Variants in FAM204A observed in about 807,000 individuals in gnomAD.
FAM204A encodes protein FAM204A.
A neutral mutation model predicts 35.4 loss-of-function variants in FAM204A; 16 were observed. That is an observed-to-expected ratio of 0.45 (90% CI 0.31 to 0.69). The LOEUF is 0.69. Among genes scored for constraint, FAM204A ranks in the 30% least tolerant of loss-of-function variants. The probability of loss-of-function intolerance (pLI) is 0.07; values close to 1 mark genes in which losing one functional copy is unlikely to be tolerated. For synonymous variants in FAM204A, 76 were observed against 86.9 expected (o/e 0.88, Z 0.70); for missense variants, 240 against 265.7 (o/e 0.90, Z 0.67).
intron 6 of FAM204A, among the ~76,000 whole-genome samples, chr10:118,327,675 G>A (rs951052472): frequency 1.3e-5 from 2 of 152,192 alleles, no homozygotes; most frequent in African/African-American, 4.8e-5. Flanking sequence ...CTAGGCCAGT[G>A]CTGCTTCAGT....
intron 7 of FAM204A, among the ~76,000 whole-genome samples, chr10:118,311,847 G>A (rs182889450): frequency 1.7e-3 from 254 of 152,252 alleles, no homozygotes; most frequent in African/African-American, 5.8e-3. Flanking sequence ...AATTCACTGA[G>A]AGAAAAAAGA....
At chr10:118,336,015 G>T (rs376945749) in intron 3 of FAM204A, 167 bp downstream of exon 3, 2 of 687,998 alleles carry the variant, frequency 2.9e-6, no homozygotes, top group African/African-American at 1.9e-5. Context: ...CAAAATAAAC[G>T]CAAGTATCTA....
chr10:118,336,015 G>A (rs376945749), intron 3 of FAM204A, 167 bp downstream of exon 3: 2 of 688,110 alleles, frequency 2.9e-6, no homozygotes, highest in Admixed American at 3.4e-5. Flanking sequence ...CAAAATAAAC[G>A]CAAGTATCTA....
intron 6 of FAM204A, among the ~76,000 whole-genome samples, chr10:118,326,698 G>A (rs929921468): frequency 3.3e-5 from 5 of 152,172 alleles, no homozygotes; most frequent in East Asian, 1.9e-4. Flanking sequence ...CAAAGCCAGC[G>A]TCTGTAAGTA....
At chr10:118,332,718 C>T (rs1297314108) in intron 6 of FAM204A, among the ~76,000 whole-genome samples, 1 of 152,078 alleles carries the variant, frequency 6.6e-6, no homozygotes, top group African/African-American at 2.4e-5. Context: ...TAGCAGTTTC[C>T]TCTCATAAAA....
At position 118,311,218 on chromosome 10, in the gene FAM204A, TTTC is replaced by T. The variant is rs778515311; in HGVS notation, c.636_638del (p.Lys213del). On this transcript the variant is annotated inframe_deletion, in exon 8 of 9. Coordinates refer to ENST00000369183, the MANE Select transcript of FAM204A (RefSeq NM_022063.3). ...TTAAGTAAACTCACCCCCATGCAAGTTTCTTCTTTTTTCGGGCAGCCTGTGAAT... is the reference window on the plus strand; with the variant it reads ...TTAAGTAAACTCACCCCCATGCAAGTTTCTTTTTTCGGGCAGCCTGTGAAT... 6.2e-7 allele frequency: 1 copy of T among 1,609,266 alleles called. No homozygotes were observed. The highest frequency in any genetic ancestry group is 1.7e-5 in the Admixed American group (1 of 58,862).
rs967548332 is a variant in FAM204A at position 118,301,024 on chromosome 10, G to A, written c.*9833C>T. On this transcript the variant is annotated 3_prime_UTR_variant, in exon 9 of 9. Coordinates refer to ENST00000369183, the MANE Select transcript of FAM204A (RefSeq NM_022063.3). ...GAGGCTCAGAGTTGCCATAGCTGGT[G>A]AGCATCCACAGCCTACATTCAAACC... is the stretch of plus-strand genomic sequence containing the variant. 13 of 152,294 alleles carry A rather than the reference G, an allele frequency of 8.5e-5. No individual in the cohort carries two copies. Among genetic ancestry groups the A allele is most frequent in the African/African-American group, 2.6e-4 (11 of 41,564 alleles). The allele number at this position is 152,294 out of a possible 1,614,324, so 9.4% of individuals were successfully genotyped here. A position where few individuals can be genotyped will look rare whatever the true frequency, so the allele number is the denominator to read the frequency against.
chr10:118,311,501 A>G (rs1157186663), intron 7 of FAM204A, 188 bp from the exon 8 acceptor site: 5 of 539,080 alleles, frequency 9.3e-6, no homozygotes, highest in African/African-American at 7.7e-5. Context: ...GTGACTCCCA[A>G]TAGACCCTTT....
intron 5 of FAM204A, 74 bp downstream of exon 5, chr10:118,335,322 T>C: frequency 6.4e-7 from 1 of 1,557,980 alleles, no homozygotes; most frequent in East Asian, 2.3e-5. Flanking sequence ...ATATGTTTGA[T>C]TACTATCAGA....
chr10:118,330,439 A>T (rs529619830), intron 6 of FAM204A, among the ~76,000 whole-genome samples: 2 of 152,300 alleles, frequency 1.3e-5, no homozygotes, highest in Non-Finnish European at 1.5e-5. Flanking sequence ...ATTACAGTGG[A>T]AAGAGCACAG....
At position 118,308,063 on chromosome 10, in the gene FAM204A, A is replaced by G. The variant is rs1845893306; in HGVS notation, c.*2794T>C. 2 of 152,226 alleles carry G rather than the reference A, an allele frequency of 1.3e-5. No homozygotes were observed. The allele number at this position is 152,226 out of a possible 1,614,324, so 9.4% of individuals were successfully genotyped here. Reference sequence around the variant, plus strand: ...CATAGAATGTTCTGCTGAAAATCAGAAACATCCTGAGGGCTCCCAAACAAG... The same window carrying G: ...CATAGAATGTTCTGCTGAAAATCAGGAACATCCTGAGGGCTCCCAAACAAG... On this transcript the variant is annotated 3_prime_UTR_variant, in exon 9 of 9. Transcript: ENST00000369183.
intron 7 of FAM204A, among the ~76,000 whole-genome samples, chr10:118,312,024 A>G (rs1224065110): frequency 6.6e-6 from 1 of 151,964 alleles, no homozygotes; most frequent in East Asian, 1.9e-4. Flanking sequence ...AACTCAACCT[A>G]AAACAGTCCC....
chr10:118,339,362 A>C (rs1434322308), intron 2 of FAM204A, among the ~76,000 whole-genome samples: 1 of 152,218 alleles, frequency 6.6e-6, no homozygotes, highest in Non-Finnish European at 1.5e-5. Context: ...TGTCATTCAC[A>C]AAGTTTCCAA....
rs1463639777 is a variant in FAM204A at position 118,301,516 on chromosome 10, GTC to G, written c.*9339_*9340del. 1 of 152,170 alleles carries G rather than the reference GTC, an allele frequency of 6.6e-6. No homozygotes were observed. The highest frequency in any genetic ancestry group is 2.4e-5 in the African/African-American group (1 of 41,426). The allele number at this position is 152,170 out of a possible 1,614,324, so 9.4% of individuals were successfully genotyped here. On this transcript the variant is annotated 3_prime_UTR_variant, in exon 9 of 9. Coordinates refer to ENST00000369183, the MANE Select transcript of FAM204A (RefSeq NM_022063.3). ...AATCTTTTGTAATGGGAGTAAGCAT[GTC>G]TGTTCTTTGCTCTAGAGTGAGACAC... is the stretch of plus-strand genomic sequence containing the variant.
chr10:118,335,199 T>C lies in FAM204A; in HGVS notation c.368A>G (p.Asn123Ser). The C allele has an allele frequency of 6.2e-7, 1 of 1,613,300 alleles. No homozygotes were observed. The highest frequency in any genetic ancestry group is 1.3e-5 in the African/African-American group (1 of 75,000). ...EKELHSEPSS[N>S]ETQWKELTQY... ...AGTAAGCTCTTTCCACTGGGTTTCATTTGAGGACGGTTCACTAAAAGAAGA... is the reference window on the plus strand; with the variant it reads ...AGTAAGCTCTTTCCACTGGGTTTCACTTGAGGACGGTTCACTAAAAGAAGA... Residue 123 changes from asparagine (N) to serine (S), a missense_variant, in exon 6 of 9, where the codon AAT (asparagine) becomes AGT (serine). Physicochemically the swap from Asn to Ser is conservative, Grantham distance 46. Around this residue, in one of 2 missense-constraint regions of FAM204A, gnomAD observed 232 missense variants for 242.8 expected, o/e 0.96. Coordinates refer to ENST00000369183, the MANE Select transcript of FAM204A (RefSeq NM_022063.3).
In FAM204A at chr10:118,309,247, C is replaced by T. The variant is rs771174900; in HGVS notation, c.*1610G>A. The T allele has an allele frequency of 6.6e-6, 1 of 152,018 alleles. No homozygotes were observed. Among genetic ancestry groups the T allele is most frequent in the Non-Finnish European group, 1.5e-5 (1 of 68,006 alleles). The allele number at this position is 152,018 out of a possible 1,614,324, so 9.4% of individuals were successfully genotyped here. A position where few individuals can be genotyped will look rare whatever the true frequency, so the allele number is the denominator to read the frequency against. On this transcript the variant is annotated 3_prime_UTR_variant, in exon 9 of 9. Coordinates refer to ENST00000369183, the MANE Select transcript of FAM204A (RefSeq NM_022063.3). ...TAAAACTTTGCTTTCTCTATGCTGG[C>T]TTTTCTCAACTAAATGAAAGCAAGA...
chr10:118,335,363 C>G (rs556949325), intron 5 of FAM204A, 33 bp downstream of exon 5: 1 of 1,577,694 alleles, frequency 6.3e-7, no homozygotes, highest in South Asian at 1.2e-5. Context: ...CTACAATGGC[C>G]TAAAATAGAT....
intron 7 of FAM204A, among the ~76,000 whole-genome samples, chr10:118,312,412 A>C (rs1845967047): frequency 6.6e-6 from 1 of 152,194 alleles, no homozygotes; most frequent in African/African-American, 2.4e-5. Flanking sequence ...GCAGGAGGTT[A>C]AGAGCACACG....
intron 7 of FAM204A, among the ~76,000 whole-genome samples, chr10:118,314,924 C>T (rs115364952): frequency 6.6e-6 from 1 of 152,082 alleles, no homozygotes; most frequent in African/African-American, 2.4e-5. Context: ...CTTTTTATCA[C>T]CATATTTCAG....
Sources: allele counts gnomAD v4.1 joint callset (sites outside exome capture counted in the v4.1 genomes callset), GRCh38; gene constraint gnomAD v4.1.1; regional missense constraint gnomAD v4.1.1; transcripts MANE v1.5; gene names NCBI Gene and HGNC (gene_info 2026-07-23, HGNC 2026-07-21).